Variants in RP1 observed in about 807,000 individuals in gnomAD.
RP1 encodes oxygen-regulated protein 1.
In RP1, 16 loss-of-function variants were observed where a neutral mutation model predicts 14.8. That is an observed-to-expected ratio of 1.08 (90% confidence interval 0.73 to 1.65). RP1 has a LOEUF of 1.65. Ranked by LOEUF, RP1 falls within the 40% of genes most tolerant of loss-of-function variation. RP1 has a pLI of 0.00. For synonymous variants in RP1, 876 were observed against 883.6 expected, an observed-to-expected ratio of 0.99 and a Z score of 0.15; for missense variants, 2,631 against 2,535.0, an observed-to-expected ratio of 1.04 and a Z score of -0.81.
intron 24 of RP1, among the ~76,000 whole-genome samples, chr8:54,785,147 T>C (rs1271864961): frequency 6.6e-6 from 1 of 152,062 alleles, no homozygotes; most frequent in Non-Finnish European, 1.5e-5. Context: ...AGAAGGCCAG[T>C]ACCCATTAGA....
chr8:54,857,282 A>T (rs1344668288), intron 27 of RP1, among the ~76,000 whole-genome samples: 2 of 147,702 alleles, frequency 1.4e-5, no homozygotes, highest in African/African-American at 4.9e-5. Context: ...TATAATTTAC[A>T]TTGAATATAT....
intron 21 of RP1, among the ~76,000 whole-genome samples, chr8:54,757,137 G>A (rs543151309): frequency 1.3e-5 from 2 of 152,246 alleles, no homozygotes; most frequent in East Asian, 3.9e-4. Flanking sequence ...AATTTCATGA[G>A]TTTTGTAGTC....
chr8:54,752,551 T>G (rs1415233661), intron 19 of RP1, among the ~76,000 whole-genome samples: 1 of 152,240 alleles, frequency 6.6e-6, no homozygotes, highest in Non-Finnish European at 1.5e-5. Flanking sequence ...TATTCATTCC[T>G]TCATTTTTCA....
At chr8:54,798,654 GTGTTCTTATTGCA>G (rs1406467653) in intron 24 of RP1, among the ~76,000 whole-genome samples, 1 of 152,126 alleles carries the variant, frequency 6.6e-6, no homozygotes, top group Non-Finnish European at 1.5e-5. Flanking sequence ...GAGGGCATTA[GTGTTCTTATTGCA>G]TGTTGAGCCA....
At chr8:54,560,827 A>G (rs1804270235) in intron 1 of RP1, 1 of 151,608 alleles carries the variant, frequency 6.6e-6, no homozygotes, top group East Asian at 2.0e-4. Flanking sequence ...CAAGCAGGAG[A>G]CCCACATGGC....
rs146602041 is a variant in RP1, at chr8:54,627,881, C to T, written c.3999C>T (p.Tyr1333=). The T allele has an allele frequency of 5.7e-4, 926 of 1,614,122 alleles. 9 individuals carry two copies. In the South Asian group the frequency reaches 7.8e-3, roughly 14 times the overall value. The change falls in exon 4 of 4, where the codon TAC becomes TAT. Residue 1333 remains tyrosine (Y), a synonymous_variant. Coordinates refer to ENST00000220676, the MANE Select transcript of RP1 (RefSeq NM_006269.2). ...GAGCTTGCCCAATTGATGAGACCTACGTTCCTGTCAATGTCTGCAATACCA... is the reference window on the plus strand; with the variant it reads ...GAGCTTGCCCAATTGATGAGACCTATGTTCCTGTCAATGTCTGCAATACCA... The part of the protein sequence containing the change: ...YEGACPIDET[Y]VPVNVCNTID...
chr8:54,616,464 T>A (rs1489356653), intron 1 of RP1, among the ~76,000 whole-genome samples: 2 of 152,234 alleles, frequency 1.3e-5, no homozygotes, highest in Admixed American at 1.3e-4. Flanking sequence ...TTACTTTGTT[T>A]CTGACAATAA....
At chr8:54,699,775 A>G (rs1376242815) in intron 13 of RP1, among the ~76,000 whole-genome samples, 1 of 152,196 alleles carries the variant, frequency 6.6e-6, no homozygotes, top group Non-Finnish European at 1.5e-5. Flanking sequence ...GAAAAAGTAG[A>G]CCAATTCTCT....
intron 1 of RP1, among the ~76,000 whole-genome samples, chr8:54,573,957 G>C (rs1804587203): frequency 6.6e-6 from 1 of 152,196 alleles, no homozygotes; most frequent in Admixed American, 6.5e-5. Flanking sequence ...GCTTTCAGAA[G>C]ACTTGGGTTT....
intron 16 of RP1, chr8:54,720,450 GA>G: frequency 1.3e-6 from 1 of 747,382 alleles, no homozygotes; most frequent in Non-Finnish European, 2.1e-6. Context: ...GCAATGGAAG[GA>G]AAACATAATG....
intron 24 of RP1, among the ~76,000 whole-genome samples, chr8:54,824,882 ACT>A (rs1441167716): frequency 1.3e-5 from 2 of 152,164 alleles, no homozygotes. Flanking sequence ...AATTTTTAAA[ACT>A]CTCAGAAAAA....
Position 54,658,267 on chromosome 8 carries a change from G to T in RP1, c.1171+2052G>T, listed in dbSNP as rs545078320. Among the ~76,000 whole-genome samples the T allele has an allele frequency of 5.3e-5, 8 of 152,100 alleles. No homozygotes were observed. In the South Asian group the frequency reaches 1.7e-3, roughly 32 times the overall value. ...GAATTTTTATTCTTTTTAAGACTGCGTAGGCCGGGCGCGGTGGCTCACGCC... is the reference window on the plus strand; with the variant it reads ...GAATTTTTATTCTTTTTAAGACTGCTTAGGCCGGGCGCGGTGGCTCACGCC... On this transcript the variant is annotated intron_variant, in intron 6 of 22. Transcript: ENST00000636932.
At chr8:54,827,770 C>A (rs779467254) in intron 24 of RP1, among the ~76,000 whole-genome samples, 2 of 151,980 alleles carry the variant, frequency 1.3e-5, no homozygotes, top group Non-Finnish European at 2.9e-5. Flanking sequence ...TGGTGACAGG[C>A]GCTTGTAATC....
Position 54,799,371 on chromosome 8 carries a change from C to A in RP1, c.3615+15661C>A, listed in dbSNP as rs192765116. On this transcript the variant is annotated intron_variant, in intron 24 of 28. Coordinates refer to the RP1 transcript ENST00000637698. ...TAAAATTTATGAATATTTTTGACTT[C>A]TCTGTATCTTTATAGTCAATGGGTT... Among the ~76,000 whole-genome samples, 240 of 152,030 alleles carry A rather than the reference C, an allele frequency of 1.6e-3. 2 individuals carry two copies. Among genetic ancestry groups the A allele is most frequent in the African/African-American group, 5.6e-3 (232 of 41,544 alleles).
intron 19 of RP1, among the ~76,000 whole-genome samples, chr8:54,752,915 C>A (rs1484943443): frequency 6.6e-6 from 1 of 152,076 alleles, no homozygotes; most frequent in African/African-American, 2.4e-5. Context: ...ATTATACTAA[C>A]CTTTTTAATA....
intron 1 of RP1, among the ~76,000 whole-genome samples, chr8:54,601,216 G>A (rs1318457324): frequency 6.6e-6 from 1 of 152,120 alleles, no homozygotes; most frequent in East Asian, 1.9e-4. Context: ...TAAAAATTAA[G>A]CTTTGAAATC....
chr8:54,810,165 A>C (rs183751663), intron 24 of RP1, among the ~76,000 whole-genome samples: 1 of 152,316 alleles, frequency 6.6e-6, no homozygotes, highest in Non-Finnish European at 1.5e-5. Context: ...ACCAGCATGA[A>C]CTTATTTTAG....
At chr8:54,666,702 G>A (rs1321585834) in intron 7 of RP1, among the ~76,000 whole-genome samples, 2 of 151,982 alleles carry the variant, frequency 1.3e-5, no homozygotes, top group East Asian at 3.9e-4. Flanking sequence ...CTGGGATTGT[G>A]TGCAGTCAGA....
intron 13 of RP1, among the ~76,000 whole-genome samples, chr8:54,701,037 C>T (rs1459757952): frequency 2.0e-5 from 3 of 152,158 alleles, no homozygotes; most frequent in Non-Finnish European, 2.9e-5. Context: ...AGACCTAAAA[C>T]GCTGTCCTGA....
Sources: allele counts gnomAD v4.1 joint callset (sites outside exome capture counted in the v4.1 genomes callset), GRCh38; gene constraint gnomAD v4.1.1; transcripts MANE v1.5; gene names NCBI Gene and HGNC (gene_info 2026-07-23, HGNC 2026-07-21).